Variants in PARD3 observed in about 807,000 individuals in gnomAD.
The protein encoded by PARD3 is partitioning defective 3 homolog.
A neutral mutation model predicts 155.4 loss-of-function variants in PARD3; 75 were observed. That is an observed-to-expected ratio of 0.48 (90% confidence interval 0.40 to 0.58). The LOEUF (loss-of-function observed/expected upper bound fraction) is 0.58. Ranked by LOEUF, PARD3 falls within the 20% of genes least tolerant of loss-of-function variation. The pLI, the probability that PARD3 is intolerant of heterozygous loss-of-function variation, is 0.00. For missense variants in PARD3, 1,642 were observed against 1,721.7 expected, an observed-to-expected ratio of 0.95 and a Z score of 0.82; for synonymous variants, 576 against 610.5, an observed-to-expected ratio of 0.94 and a Z score of 0.83.
chr10:34,148,580 G>A (rs906279111), intron 22 of PARD3, among the ~76,000 whole-genome samples: 3 of 152,114 alleles, frequency 2.0e-5, no homozygotes, highest in African/African-American at 4.8e-5. Flanking sequence ...TGGTCTCAGT[G>A]CAACATTGTC....
Position 34,591,516 on chromosome 10 carries a change from A to G in PARD3, c.223-74357T>C, listed in dbSNP as rs2088675901. Among the ~76,000 whole-genome samples the G allele has an allele frequency of 2.0e-5, 3 of 152,140 alleles. 1 individual carries two copies. In the South Asian group the frequency reaches 6.2e-4, roughly 32 times the overall value. On this transcript the variant is annotated intron_variant, in intron 2 of 24. Transcript: ENST00000374788. The stretch of plus-strand genomic sequence containing the variant: ...ACTCACATGAGCTCACATTACACTA[A>G]TAAGGTAATATCATATAGTAAAGTA...
intron 21 of PARD3, among the ~76,000 whole-genome samples, chr10:34,274,371 G>A (rs1955775486): frequency 1.3e-5 from 2 of 152,194 alleles, no homozygotes; most frequent in Admixed American, 6.5e-5. Context: ...ATGGAAGGTT[G>A]ACAGGAGTTA....
rs781613022 is a variant in PARD3, at chr10:34,348,011, C to T, written c.2172G>A (p.Gly724=). 3.1e-5 allele frequency: 50 copies of T among 1,613,488 alleles called. No individual in the cohort carries two copies. The East Asian group carries it at 6.2e-4, about 20-fold the overall frequency. The stretch of plus-strand genomic sequence containing the variant: ...CATTTCTGCTGGGCGATTCATCAAG[C>T]CCCTCAATCCCACTGTAGAGGGAAT... The part of the protein sequence containing the change: ...ISHSLYSGIE[G]LDESPSRNAA... Residue 724 remains glycine, a synonymous_variant, in exon 15 of 25, where the codon GGG becomes GGA. Transcript: ENST00000374788.
At chr10:34,443,050 C>T (rs1489236724) in intron 5 of PARD3, among the ~76,000 whole-genome samples, 1 of 151,274 alleles carries the variant, frequency 6.6e-6, no homozygotes, top group Non-Finnish European at 1.5e-5. Flanking sequence ...GTAGGCAGAT[C>T]AGTGGAAAAA....
At chr10:34,578,178 T>C (rs2087063946) in intron 2 of PARD3, among the ~76,000 whole-genome samples, 1 of 152,178 alleles carries the variant, frequency 6.6e-6, no homozygotes, top group Non-Finnish European at 1.5e-5. Context: ...TTTAAAAATG[T>C]GATACCTCCT....
intron 2 of PARD3, among the ~76,000 whole-genome samples, chr10:34,618,488 C>T (rs1303215086): frequency 6.6e-6 from 1 of 151,966 alleles, no homozygotes; most frequent in Non-Finnish European, 1.5e-5. Context: ...AGTCACAATT[C>T]AGGTAAAAAT....
At chr10:34,558,176 T>C (rs1243494111) in intron 2 of PARD3, among the ~76,000 whole-genome samples, 4 of 152,064 alleles carry the variant, frequency 2.6e-5, no homozygotes, top group South Asian at 4.1e-4. Flanking sequence ...AAAAAAAAAG[T>C]TGAATACGTA....
At chr10:34,649,718 C>T (rs1206066215) in intron 2 of PARD3, among the ~76,000 whole-genome samples, 1 of 152,212 alleles carries the variant, frequency 6.6e-6, no homozygotes, top group Non-Finnish European at 1.5e-5. Context: ...ATTCTTTCTT[C>T]CACAATAAAT....
intron 21 of PARD3, among the ~76,000 whole-genome samples, chr10:34,277,262 C>T (rs1660614): frequency 0.57 from 85,964 of 151,982 alleles, 25,323 homozygotes; most frequent in African/African-American, 0.74. Flanking sequence ...TTTAGTCCAC[C>T]ATGGAAGGCT....
At chr10:34,196,175 G>T (rs1338611106) in intron 22 of PARD3, among the ~76,000 whole-genome samples, 5 of 152,096 alleles carry the variant, frequency 3.3e-5, no homozygotes, top group Non-Finnish European at 5.9e-5. Flanking sequence ...TAGCTTTCTA[G>T]AAATAAGTGA....
rs185954960 is a variant in PARD3 at position 34,220,765 on chromosome 10, G to A, written c.3419+48892C>T. ...TGGTTCAATAACATATTCACAGTGG[G>A]GACTAATGTGCTACATATTTCATAA... is the stretch of plus-strand genomic sequence containing the variant. On this transcript the variant is annotated intron_variant, in intron 22 of 24. Coordinates refer to ENST00000374788, the MANE Select transcript of PARD3 (RefSeq NM_001184785.2). 1.8e-3 allele frequency among the ~76,000 whole-genome samples: 273 copies of A among 152,184 alleles called. 1 individual carries two copies. Among genetic ancestry groups the A allele is most frequent in the African/African-American group, 5.9e-3 (244 of 41,508 alleles).
intron 3 of PARD3, among the ~76,000 whole-genome samples, chr10:34,513,965 AC>A (rs2133589259): frequency 6.6e-6 from 1 of 152,286 alleles, no homozygotes; most frequent in African/African-American, 2.4e-5. Flanking sequence ...GCAATGATTA[AC>A]TAAATCAGAG....
chr10:34,147,890 G>A (rs1948594584), intron 22 of PARD3, among the ~76,000 whole-genome samples: 1 of 152,040 alleles, frequency 6.6e-6, no homozygotes, highest in Admixed American at 6.6e-5. Flanking sequence ...AGTAAGGAAG[G>A]GGGCAGTGCC....
chr10:34,623,660 A>C (rs2091820227), intron 2 of PARD3, among the ~76,000 whole-genome samples: 1 of 151,970 alleles, frequency 6.6e-6, no homozygotes, highest in Non-Finnish European at 1.5e-5. Context: ...CCCCAGCTCC[A>C]CCCACTCCAG....
chr10:34,278,627 C>T (rs1222865589), intron 21 of PARD3, among the ~76,000 whole-genome samples: 1 of 152,018 alleles, frequency 6.6e-6, no homozygotes, highest in Non-Finnish European at 1.5e-5. Context: ...GCTGGGCTCT[C>T]ATTCTTCTCT....
chr10:34,694,147 G>A (rs2094120177), intron 2 of PARD3, among the ~76,000 whole-genome samples: 1 of 143,148 alleles, frequency 7.0e-6, no homozygotes, highest in African/African-American at 2.5e-5. Flanking sequence ...GAGAAAGAGA[G>A]GGAGAAGAAA....
chr10:34,184,697 G>C (rs1056848129), intron 22 of PARD3, among the ~76,000 whole-genome samples: 1 of 63,934 alleles, frequency 1.6e-5, no homozygotes, highest in African/African-American at 3.5e-5. Flanking sequence ...CAGGCCTTTC[G>C]GTTTTTTTTT....
At chr10:34,139,503 G>A (rs1948071464) in intron 22 of PARD3, among the ~76,000 whole-genome samples, 1 of 151,916 alleles carries the variant, frequency 6.6e-6, no homozygotes, top group Non-Finnish European at 1.5e-5. Flanking sequence ...TTGTATCCTG[G>A]GAAAAAAATA....
chr10:34,408,830 TAGATA>T (rs1377285513), intron 5 of PARD3, among the ~76,000 whole-genome samples: 1 of 150,854 alleles, frequency 6.6e-6, no homozygotes, highest in African/African-American at 2.4e-5. Flanking sequence ...AAGACAATAT[TAGATA>T]AGATATAATA....
Sources: gnomAD v4.1 joint callset for allele counts (sites outside exome capture counted in the v4.1 genomes callset) on GRCh38, gnomAD v4.1.1 for gene constraint, MANE v1.5 for transcripts, NCBI Gene and HGNC (gene_info 2026-07-23, HGNC 2026-07-21) for gene names.